The following NPIPB11 variants were observed in gnomAD, a reference collection of about 807,000 sequenced individuals.
NPIPB11 encodes nuclear pore complex interacting protein family member B11.
Under a neutral mutation model 32.8 loss-of-function variants are expected in NPIPB11, and 17 were observed. The ratio of observed to expected loss-of-function variants is 0.52; its 90% CI spans 0.35 to 0.78. The LOEUF (loss-of-function observed/expected upper bound fraction) is 0.78. Among genes scored for constraint, NPIPB11 ranks in the 30% least tolerant of loss-of-function variants. The pLI, the probability that NPIPB11 is intolerant of heterozygous loss-of-function variation, is 0.01. For missense variants in NPIPB11, 537 were observed against 1,000.4 expected (o/e 0.54, Z 6.25); for synonymous variants, 209 against 398.4 (o/e 0.52, Z 5.66).
At chr16:29,394,041 C>G (rs1262645458) in exon 3 of NPIPB11, 1 of 1,599,242 alleles carries the variant, frequency 6.3e-7, no homozygotes, top group Non-Finnish European at 8.5e-7. Flanking sequence ...CAAAGTCAGT[C>G]CCACGATGAT....
chr16:29,390,961 CAAAAAAAAAAAA>C (rs1173802573), intron 3 of NPIPB11, among the ~76,000 whole-genome samples: 2 of 84,568 alleles, frequency 2.4e-5, no homozygotes, highest in African/African-American at 9.3e-5. Context: ...GAAACTGTCT[CAAAAAAAAAAAA>C]AAAAAAAAAA....
At chr16:29,396,513 A>G (rs1963856146) in intron 2 of NPIPB11, among the ~76,000 whole-genome samples, 1 of 150,778 alleles carries the variant, frequency 6.6e-6, no homozygotes, top group Non-Finnish European at 1.5e-5. Context: ...TGTAATCCCA[A>G]CGCTTTGGGA....
chr16:29,381,913 G>C lies in NPIPB11; in HGVS notation c.3019C>G (p.Pro1007Ala), dbSNP rs1161580680. 6.1e-6 allele frequency: 3 copies of C among 488,708 alleles called. 1 individual carries two copies. The highest frequency in any genetic ancestry group is 1.0e-5 in the Non-Finnish European group (3 of 289,550). 30.3% of individuals were successfully genotyped at this position (488,708 alleles called of 1,614,324 possible). The stretch of plus-strand genomic sequence containing the variant: ...AGCGGCCCCCGCAGACGCTCGGCAG[G>C]TGTCTTGATATTATCATCTGCTGAG... The change falls in exon 8 of 8, where the codon CCT (proline) becomes GCT (alanine). Residue 1007 changes from proline (P) to alanine (A), a missense_variant. Transcript: ENST00000524087.
At chr16:29,405,637 C>A (rs940875241), upstream of NPIPB11, among the ~76,000 whole-genome samples, 16 of 152,120 alleles carry the variant, frequency 1.1e-4, no homozygotes, top group East Asian at 1.9e-4. Flanking sequence ...GACCTTGCAT[C>A]CAATCAATGC....
At chr16:29,402,718 CTCTCTCTGTGTG>C (rs1317385106) in intron 2 of NPIPB11, among the ~76,000 whole-genome samples, 8 of 124,996 alleles carry the variant, frequency 6.4e-5, no homozygotes, top group Admixed American at 5.6e-4. Context: ...CTCTCTCTCT[CTCTCTCTGTGTG>C]TGTGTGTGTG....
At chr16:29,383,783 G>T (rs749815188) in exon 8 of NPIPB11, 5 of 1,102,570 alleles carry the variant, frequency 4.5e-6, no homozygotes, top group Non-Finnish European at 6.0e-6. Context: ...CATCCGCTGA[G>T]GGTGGAAGCG....
exon 8 of NPIPB11, chr16:29,383,040 A>C (rs748521473): frequency 1.4e-5 from 22 of 1,604,184 alleles, no homozygotes; most frequent in African/African-American, 4.1e-5. Context: ...GTGGAAGCGG[A>C]ACCCGCAGAT....
At chr16:29,402,722 CTCTGTGTGTGTGTG>C (rs1395866891) in intron 2 of NPIPB11, among the ~76,000 whole-genome samples, 3 of 113,810 alleles carry the variant, frequency 2.6e-5, no homozygotes, top group South Asian at 3.5e-4. Context: ...CTCTCTCTCT[CTCTGTGTGTGTGTG>C]TGTGTGTGTG....
chr16:29,393,252 C>G (rs1002324423), intron 3 of NPIPB11, among the ~76,000 whole-genome samples: 19 of 151,612 alleles, frequency 1.3e-4, no homozygotes, highest in Admixed American at 5.9e-4. Flanking sequence ...CTGGGGCTTT[C>G]TCTGCATCAT....
intron 2 of NPIPB11, 31 bp downstream of exon 2, chr16:29,403,652 C>CA: frequency 7.2e-7 from 1 of 1,381,524 alleles, no homozygotes; most frequent in Non-Finnish European, 9.9e-7. Flanking sequence ...TGCTCAAGGG[C>CA]ACCAGGCCCC....
At chr16:29,399,885 T>A (rs1364211992) in intron 2 of NPIPB11, among the ~76,000 whole-genome samples, 1 of 151,994 alleles carries the variant, frequency 6.6e-6, no homozygotes, top group Non-Finnish European at 1.5e-5. Context: ...GAGACCAGCC[T>A]GACCAACATG....
intron 2 of NPIPB11, among the ~76,000 whole-genome samples, chr16:29,394,631 C>A (rs1056151408): frequency 1.3e-5 from 2 of 151,828 alleles, no homozygotes; most frequent in African/African-American, 4.8e-5. Flanking sequence ...GATGAGGTTT[C>A]ACCATGTTGG....
At chr16:29,405,498 C>T (rs1964094509), upstream of NPIPB11, among the ~76,000 whole-genome samples, 1 of 152,128 alleles carries the variant, frequency 6.6e-6, no homozygotes, top group Non-Finnish European at 1.5e-5. Flanking sequence ...ACGGTGCAGT[C>T]ATTCCCACAC....
upstream of NPIPB11, among the ~76,000 whole-genome samples, chr16:29,404,682 T>A (rs1204086187): frequency 2.6e-5 from 4 of 151,812 alleles, no homozygotes; most frequent in Non-Finnish European, 4.4e-5. Flanking sequence ...ATCTGCCTTC[T>A]CAGTGCTCAC....
upstream of NPIPB11, among the ~76,000 whole-genome samples, chr16:29,406,318 T>C (rs1964112797): frequency 2.0e-5 from 3 of 152,282 alleles, no homozygotes; most frequent in South Asian, 6.2e-4. Context: ...TATGGGTATG[T>C]TGTTGATATA....
chr16:29,391,553 A>G (rs1217291115), intron 3 of NPIPB11, among the ~76,000 whole-genome samples: 1 of 149,874 alleles, frequency 6.7e-6, no homozygotes, highest in Non-Finnish European at 1.5e-5. Context: ...TTTGAACTTA[A>G]CGCAAAACAT....
chr16:29,402,724 C>CTCTGTG lies in NPIPB11; in HGVS notation c.120+958_120+959insCACAGA, dbSNP rs1449821025. ...TCTCTCTCTCTCTCTCTCTCTCTCT[C>CTCTGTG]TGTGTGTGTGTGTGTGTGTGTGTGT... On this transcript the variant is annotated intron_variant, in intron 2 of 7. Transcript: ENST00000524087. 3.3e-3 allele frequency among the ~76,000 whole-genome samples: 393 copies of CTCTGTG among 119,638 alleles called. 1 individual carries two copies. The highest frequency in any genetic ancestry group is 0.014 in the South Asian group (42 of 2,960). 78.5% of individuals were successfully genotyped at this position (119,638 alleles called of 152,430 possible). A position where few individuals can be genotyped will look rare whatever the true frequency, so the allele number is the denominator to read the frequency against.
chr16:29,401,854 G>A (rs1466632364), intron 2 of NPIPB11, among the ~76,000 whole-genome samples: 1 of 151,818 alleles, frequency 6.6e-6, no homozygotes, highest in Non-Finnish European at 1.5e-5. Context: ...GCACAGGAGA[G>A]CCATGGAGGA....
exon 5 of NPIPB11, chr16:29,389,967 A>G: frequency 1.3e-6 from 2 of 1,587,614 alleles, no homozygotes; most frequent in Non-Finnish European, 1.7e-6. Flanking sequence ...TCCTCTTTCC[A>G]TTGATTTTGT....
Sources: allele counts gnomAD v4.1 joint callset (sites outside exome capture counted in the v4.1 genomes callset), GRCh38; gene constraint gnomAD v4.1.1; transcripts MANE v1.5; gene names NCBI Gene and HGNC (gene_info 2026-07-23, HGNC 2026-07-21).